The following DGKB variants were observed in gnomAD, a reference collection of about 807,000 sequenced individuals.
DGKB encodes the protein diacylglycerol kinase beta, also known as 90 kDa diacylglycerol kinase.
A neutral mutation model predicts 114.3 loss-of-function variants in DGKB; 67 were observed. That is an observed-to-expected ratio of 0.59 (90% CI 0.48 to 0.72). DGKB has a LOEUF of 0.72. Among genes scored for constraint, DGKB ranks in the 30% least tolerant of loss-of-function variants. The pLI, the probability that DGKB is intolerant of heterozygous loss-of-function variation, is 0.00. For missense variants in DGKB, 907 were observed against 975.2 expected (o/e 0.93, Z 0.93); for synonymous variants, 398 against 323.1 (o/e 1.23, Z -2.49).
At chr7:14,508,873 T>A (rs1264906125) in intron 20 of DGKB, among the ~76,000 whole-genome samples, 1 of 152,206 alleles carries the variant, frequency 6.6e-6, no homozygotes, top group Non-Finnish European at 1.5e-5. Flanking sequence ...ATTGGTTCAT[T>A]TATATAAGCA....
intron 23 of DGKB, among the ~76,000 whole-genome samples, chr7:14,255,194 G>C (rs1052981149): frequency 4.0e-4 from 61 of 152,228 alleles, no homozygotes; most frequent in African/African-American, 1.4e-3. Flanking sequence ...CAACCAGCTT[G>C]AAAACTCCTC....
At chr7:14,818,191 T>C (rs1285624748) in intron 2 of DGKB, among the ~76,000 whole-genome samples, 1 of 152,204 alleles carries the variant, frequency 6.6e-6, no homozygotes, top group African/African-American at 2.4e-5. Flanking sequence ...CTAAGATACA[T>C]TTATTTCAAA....
intron 2 of DGKB, among the ~76,000 whole-genome samples, chr7:14,760,344 G>C (rs1040328828): frequency 6.6e-6 from 1 of 152,108 alleles, no homozygotes; most frequent in South Asian, 2.1e-4. Flanking sequence ...TGAAACAATA[G>C]CATTGCAATA....
At chr7:14,273,223 G>A (rs11760549) in intron 23 of DGKB, among the ~76,000 whole-genome samples, 24,768 of 152,066 alleles carry the variant, frequency 0.16, 2,463 homozygotes, top group Non-Finnish European at 0.23. Flanking sequence ...GGGCAATCCC[G>A]TAGTCCCAGC....
rs1820186383 is a variant in DGKB at position 14,678,084 on chromosome 7, C to A, written c.1035+4469G>T. Reference sequence around the variant, plus strand: ...TACAGGATGATATTATAAAACAAAACTTAAATAGTACATATGTTTGAAATT... The same window carrying A: ...TACAGGATGATATTATAAAACAAAAATTAAATAGTACATATGTTTGAAATT... On this transcript the variant is annotated intron_variant, in intron 12 of 25. Coordinates refer to ENST00000402815, the MANE Select transcript of DGKB (RefSeq NM_001350709.2). 1.3e-5 allele frequency among the ~76,000 whole-genome samples: 2 copies of A among 152,010 alleles called. 1 individual carries two copies. Among genetic ancestry groups the A allele is most frequent in the South Asian group, 4.1e-4 (2 of 4,832 alleles).
chr7:14,427,392 C>T (rs1827739252), intron 21 of DGKB, among the ~76,000 whole-genome samples: 1 of 152,080 alleles, frequency 6.6e-6, no homozygotes, highest in African/African-American at 2.4e-5. Flanking sequence ...CTAGGGAGTT[C>T]CAAATTGTCT....
intron 23 of DGKB, among the ~76,000 whole-genome samples, chr7:14,206,322 G>T (rs1204246328): frequency 6.6e-6 from 1 of 152,026 alleles, no homozygotes; most frequent in Non-Finnish European, 1.5e-5. Context: ...GAATTCATGT[G>T]TAAGCAACAA....
intron 13 of DGKB, among the ~76,000 whole-genome samples, chr7:14,653,406 C>T (rs554117190): frequency 6.6e-6 from 1 of 151,310 alleles, no homozygotes; most frequent in South Asian, 2.1e-4. Flanking sequence ...ACTGCAAGAA[C>T]AAAAAACCAA....
chr7:14,487,215 T>C (rs568990962), intron 20 of DGKB, among the ~76,000 whole-genome samples: 4 of 152,336 alleles, frequency 2.6e-5, no homozygotes, highest in African/African-American at 9.6e-5. Context: ...CATTCTAATA[T>C]GTTAAATTCT....
intron 23 of DGKB, among the ~76,000 whole-genome samples, chr7:14,336,061 C>T (rs1481252557): frequency 1.3e-5 from 2 of 151,952 alleles, no homozygotes; most frequent in Non-Finnish European, 2.9e-5. Context: ...GTTTTTATGT[C>T]AAGAAATTGA....
chr7:14,272,987 C>T (rs1392778348), intron 23 of DGKB, among the ~76,000 whole-genome samples: 1 of 152,052 alleles, frequency 6.6e-6, no homozygotes, highest in Admixed American at 6.6e-5. Flanking sequence ...TATACCCGGA[C>T]CAGGAAATGA....
intron 21 of DGKB, among the ~76,000 whole-genome samples, chr7:14,380,353 G>A (rs531253307): frequency 7.2e-5 from 11 of 152,140 alleles, no homozygotes; most frequent in African/African-American, 9.6e-5. Context: ...AGGATGAAAA[G>A]TCTGATAATC....
At chr7:14,363,738 T>G (rs887631612) in intron 21 of DGKB, among the ~76,000 whole-genome samples, 1 of 152,074 alleles carries the variant, frequency 6.6e-6, no homozygotes, top group African/African-American at 2.4e-5. Flanking sequence ...TTTGAGCAAT[T>G]ATTTGCTACA....
At chr7:14,944,934 C>G (rs1785786748) in intron 1 of DGKB, among the ~76,000 whole-genome samples, 1 of 151,318 alleles carries the variant, frequency 6.6e-6, no homozygotes, top group African/African-American at 2.4e-5. Context: ...GATAATCATA[C>G]CATAATCATA....
chr7:14,658,216 T>C (rs1217709818), intron 13 of DGKB, among the ~76,000 whole-genome samples: 1 of 151,806 alleles, frequency 6.6e-6, no homozygotes, highest in Non-Finnish European at 1.5e-5. Context: ...GTTTTCAGAG[T>C]TACAGTGAAG....
At chr7:14,667,119 T>A (rs1818175215) in intron 13 of DGKB, among the ~76,000 whole-genome samples, 1 of 152,058 alleles carries the variant, frequency 6.6e-6, no homozygotes, top group Admixed American at 6.6e-5. Flanking sequence ...GATGCTTACC[T>A]TGCTAATCTC....
intron 1 of DGKB, among the ~76,000 whole-genome samples, chr7:14,876,364 G>A (rs1853285884): frequency 6.6e-6 from 1 of 152,222 alleles, no homozygotes; most frequent in African/African-American, 2.4e-5. Context: ...TGCAGGAGCA[G>A]GCACAGAGCC....
At chr7:14,792,927 C>T (rs1586551118) in intron 2 of DGKB, among the ~76,000 whole-genome samples, 1 of 152,158 alleles carries the variant, frequency 6.6e-6, no homozygotes, top group South Asian at 2.1e-4. Flanking sequence ...TACAGATTAA[C>T]TCTATAAAAA....
chr7:14,544,591 A>T (rs1225161152), intron 20 of DGKB, among the ~76,000 whole-genome samples: 1 of 152,168 alleles, frequency 6.6e-6, no homozygotes, highest in Non-Finnish European at 1.5e-5. Context: ...AACATTGCTG[A>T]TACACAAGTC....
Sources: allele counts gnomAD v4.1 joint callset (sites outside exome capture counted in the v4.1 genomes callset), GRCh38; gene constraint gnomAD v4.1.1; transcripts MANE v1.5; gene names NCBI Gene and HGNC (gene_info 2026-07-23, HGNC 2026-07-21).